The following TENM3 variants were observed in gnomAD, a reference collection of about 807,000 sequenced individuals.
TENM3 encodes teneurin-3.
A neutral mutation model predicts 255.1 loss-of-function variants in TENM3; 63 were observed. The ratio of observed to expected loss-of-function variants is 0.25; its 90% CI spans 0.20 to 0.30. The LOEUF is 0.30. Among genes scored for constraint, TENM3 ranks in the 10% least tolerant of loss-of-function variants. The probability of loss-of-function intolerance (pLI) is 1.00; values close to 1 mark genes in which losing one functional copy is unlikely to be tolerated. For synonymous variants in TENM3, 1,306 were observed against 1,322.3 expected (o/e 0.99, Z 0.27); for missense variants, 2,929 against 3,461.1 (o/e 0.85, Z 3.86).
the TENM3 span, among the ~76,000 whole-genome samples, chr4:181,955,145 G>A: frequency 6.6e-6 from 1 of 152,122 alleles, no homozygotes; most frequent in Non-Finnish European, 1.5e-5. Context: ...TTTCTTGTAG[G>A]TTAAACTCAC....
the TENM3 span, among the ~76,000 whole-genome samples, chr4:181,603,649 C>T: frequency 1.3e-5 from 2 of 152,310 alleles, no homozygotes; most frequent in African/African-American, 4.8e-5. Flanking sequence ...TGCTTCTTCA[C>T]ATCCAACAAG....
At chr4:182,241,518 C>CTTTTTTTTTTTTTT (rs982739950), upstream of TENM3, among the ~76,000 whole-genome samples, 137 of 114,256 alleles carry the variant, frequency 1.2e-3, 1 homozygote, top group African/African-American at 4.5e-3. Flanking sequence ...TTTTTTCTTT[C>CTTTTTTTTTTTTTT]TTTTTTTTTT....
the TENM3 span, among the ~76,000 whole-genome samples, chr4:181,646,922 A>G: frequency 6.6e-6 from 1 of 152,250 alleles, no homozygotes; most frequent in Middle Eastern, 3.2e-3. Flanking sequence ...TGAGTCACAC[A>G]GGCAAATCAG....
At chr4:181,966,321 G>A in the TENM3 span, among the ~76,000 whole-genome samples, 1 of 152,168 alleles carries the variant, frequency 6.6e-6, no homozygotes, top group African/African-American at 2.4e-5. Flanking sequence ...CCCCAGGCAT[G>A]AGTCTGTCCT....
intron 3 of TENM3, among the ~76,000 whole-genome samples, chr4:182,474,270 A>G (rs1733445120): frequency 6.6e-6 from 1 of 152,186 alleles, no homozygotes; most frequent in Non-Finnish European, 1.5e-5. Context: ...GTACATTTTT[A>G]TGTATGATCA....
At chr4:182,399,024 G>A (rs1191705017) in intron 3 of TENM3, among the ~76,000 whole-genome samples, 1 of 152,172 alleles carries the variant, frequency 6.6e-6, no homozygotes, top group Non-Finnish European at 1.5e-5. Context: ...TCGGTCTTGT[G>A]ATGGATAAGT....
At chr4:182,639,695 C>T (rs991395887) in intron 5 of TENM3, among the ~76,000 whole-genome samples, 9 of 152,026 alleles carry the variant, frequency 5.9e-5, no homozygotes, top group African/African-American at 2.2e-4. Flanking sequence ...AAATGAATTC[C>T]ATTTTGAATT....
intron 22 of TENM3, among the ~76,000 whole-genome samples, chr4:182,762,357 C>A (rs1763270413): frequency 6.6e-6 from 1 of 152,200 alleles, no homozygotes; most frequent in Non-Finnish European, 1.5e-5. Context: ...GGCCTCATAT[C>A]TGTGTGCATC....
At chr4:181,814,261 T>G in the TENM3 span, among the ~76,000 whole-genome samples, 1 of 152,114 alleles carries the variant, frequency 6.6e-6, no homozygotes, top group African/African-American at 2.4e-5. Context: ...CTAGTGGACT[T>G]TAAGATGAAG....
intron 3 of TENM3, among the ~76,000 whole-genome samples, chr4:182,355,768 C>T (rs1459840798): frequency 6.6e-6 from 1 of 152,036 alleles, no homozygotes; most frequent in Non-Finnish European, 1.5e-5. Context: ...ACATGAGAGA[C>T]TCAGTGAGTG....
At chr4:181,607,642 A>G in the TENM3 span, among the ~76,000 whole-genome samples, 1 of 152,026 alleles carries the variant, frequency 6.6e-6, no homozygotes, top group East Asian at 1.9e-4. Context: ...TGACCTCGTG[A>G]TCTGCCTGCC....
At chr4:181,730,971 G>C in the TENM3 span, among the ~76,000 whole-genome samples, 1 of 152,136 alleles carries the variant, frequency 6.6e-6, no homozygotes, top group Non-Finnish European at 1.5e-5. Flanking sequence ...ATAATGTAAA[G>C]ATTATAAGAA....
At chr4:181,898,396 A>ATATC in the TENM3 span, among the ~76,000 whole-genome samples, 6 of 152,228 alleles carry the variant, frequency 3.9e-5, no homozygotes, top group African/African-American at 1.4e-4. Context: ...TTCTATATTT[A>ATATC]TATCTAAAGC....
At chr4:182,701,340 C>T (rs2152638227) in intron 12 of TENM3, among the ~76,000 whole-genome samples, 1 of 150,198 alleles carries the variant, frequency 6.7e-6, no homozygotes, top group South Asian at 2.1e-4. Context: ...CCTGCCTCAG[C>T]CTCCCGAGTA....
chr4:181,664,154 A>G, the TENM3 span, among the ~76,000 whole-genome samples: 1 of 152,004 alleles, frequency 6.6e-6, no homozygotes, highest in African/African-American at 2.4e-5. Flanking sequence ...CAGTTTCTTC[A>G]TCTGTTAAAG....
At chr4:182,364,514 T>C (rs1766273261) in intron 3 of TENM3, among the ~76,000 whole-genome samples, 1 of 152,156 alleles carries the variant, frequency 6.6e-6, no homozygotes, top group Non-Finnish European at 1.5e-5. Context: ...TCTTCCGGGT[T>C]CACGCCATTC....
At chr4:181,642,606 C>T in the TENM3 span, among the ~76,000 whole-genome samples, 5 of 152,192 alleles carry the variant, frequency 3.3e-5, no homozygotes, top group South Asian at 6.2e-4. Context: ...GGTTTTAGGT[C>T]TTACATTTAA....
At chr4:182,390,020 G>T (rs1226918328) in intron 3 of TENM3, among the ~76,000 whole-genome samples, 1 of 152,168 alleles carries the variant, frequency 6.6e-6, no homozygotes, top group Non-Finnish European at 1.5e-5. Context: ...TTTAGCAAGT[G>T]TAAGATAGAT....
At chr4:182,201,834 C>G (rs1165314592) in intron 1 of TENM3, among the ~76,000 whole-genome samples, 6 of 152,176 alleles carry the variant, frequency 3.9e-5, no homozygotes, top group African/African-American at 1.4e-4. Flanking sequence ...CAATGGTAGG[C>G]ATACTTGTCT....
Sources: gnomAD v4.1 joint callset for allele counts (sites outside exome capture counted in the v4.1 genomes callset) on GRCh38, gnomAD v4.1.1 for gene constraint, MANE v1.5 for transcripts, NCBI Gene and HGNC (gene_info 2026-07-23, HGNC 2026-07-21) for gene names.